The following KHDRBS3 variants were observed in gnomAD, a reference collection of about 807,000 sequenced individuals.
KHDRBS3 encodes KH domain-containing, RNA-binding, signal transduction-associated protein 3.
A neutral mutation model predicts 45.6 loss-of-function variants in KHDRBS3; 23 were observed. The observed-to-expected ratio is 0.50, with a 90% CI of 0.36 to 0.72. The LOEUF (loss-of-function observed/expected upper bound fraction) is 0.72, where lower values mean the gene tolerates loss of function less well. Among genes scored for constraint, KHDRBS3 ranks in the 30% least tolerant of loss-of-function variants. The probability of loss-of-function intolerance (pLI) is 0.00; values close to 1 mark genes in which losing one functional copy is unlikely to be tolerated. For synonymous variants in KHDRBS3, 162 were observed against 156.5 expected (o/e 1.04, Z -0.26); for missense variants, 352 against 424.8 (o/e 0.83, Z 1.51).
intron 7 of KHDRBS3, among the ~76,000 whole-genome samples, chr8:135,621,367 A>C (rs1464871133): frequency 6.6e-6 from 1 of 152,230 alleles, no homozygotes; most frequent in African/African-American, 2.4e-5. Context: ...TGTTTCCCCC[A>C]AAAATAAATT....
intron 1 of KHDRBS3, among the ~76,000 whole-genome samples, chr8:135,493,776 G>T (rs149605692): frequency 4.6e-5 from 7 of 152,142 alleles, no homozygotes; most frequent in East Asian, 3.9e-4. Context: ...TGTGATTTTG[G>T]TATTAGGCTA....
intron 5 of KHDRBS3, among the ~76,000 whole-genome samples, chr8:135,580,639 G>C (rs1329517945): frequency 7.4e-6 from 1 of 135,278 alleles, no homozygotes; most frequent in Non-Finnish European, 1.5e-5. Flanking sequence ...TTCTGAGACA[G>C]AGTCACTCTG....
chr8:135,646,963 T>C (rs1831316094), intron 8 of KHDRBS3, 30 bp from the exon 9 acceptor site: 2 of 1,182,182 alleles, frequency 1.7e-6, no homozygotes. Flanking sequence ...ATGGCAGTGA[T>C]CTAATTGTGA....
At chr8:135,548,701 CA>C in intron 3 of KHDRBS3, 52 bp from the exon 4 acceptor site, 1 of 1,298,294 alleles carries the variant, frequency 7.7e-7, no homozygotes, top group Non-Finnish European at 1.0e-6. Flanking sequence ...ATTTATCTTT[CA>C]TTTCTTATAA....
chr8:135,626,079 T>C (rs1830346484), intron 7 of KHDRBS3: 3 of 526,122 alleles, frequency 5.7e-6, no homozygotes, highest in Non-Finnish European at 1.0e-5. Context: ...GAATAGATTG[T>C]ATGACAACAA....
At chr8:135,546,646 G>A (rs1826319058) in intron 3 of KHDRBS3, among the ~76,000 whole-genome samples, 1 of 152,154 alleles carries the variant, frequency 6.6e-6, no homozygotes, top group Admixed American at 6.5e-5. Context: ...AAGACGTTTT[G>A]TTTGTTAACT....
chr8:135,477,861 A>C (rs1822369651), intron 1 of KHDRBS3, among the ~76,000 whole-genome samples: 1 of 152,206 alleles, frequency 6.6e-6, no homozygotes, highest in Non-Finnish European at 1.5e-5. Flanking sequence ...TGCAGTTTTC[A>C]GAACAGGGAT....
chr8:135,524,540 C>A (rs759734060), intron 2 of KHDRBS3, among the ~76,000 whole-genome samples: 1 of 152,098 alleles, frequency 6.6e-6, no homozygotes, highest in East Asian at 1.9e-4. Context: ...TGACATCTTT[C>A]GTGAAAATTT....
intron 2 of KHDRBS3, among the ~76,000 whole-genome samples, chr8:135,536,008 C>A (rs931216560): frequency 2.6e-5 from 4 of 152,096 alleles, no homozygotes; most frequent in African/African-American, 9.7e-5. Flanking sequence ...TTAATTTTCT[C>A]TGTGAGTGCC....
chr8:135,603,044 T>C (rs1469509294), intron 6 of KHDRBS3, among the ~76,000 whole-genome samples: 1 of 152,254 alleles, frequency 6.6e-6, no homozygotes, highest in Non-Finnish European at 1.5e-5. Context: ...TTCTACTTTC[T>C]GTGCTTTGAA....
chr8:135,646,344 C>G (rs1156322122), intron 8 of KHDRBS3, among the ~76,000 whole-genome samples: 1 of 152,022 alleles, frequency 6.6e-6, no homozygotes, highest in Admixed American at 6.6e-5. Context: ...TTATTAATAC[C>G]TTTGTTCAGT....
At chr8:135,468,846 T>C (rs996780110) in intron 1 of KHDRBS3, among the ~76,000 whole-genome samples, 4 of 152,248 alleles carry the variant, frequency 2.6e-5, no homozygotes, top group Non-Finnish European at 4.4e-5. Flanking sequence ...CAGTCTCTTA[T>C]GACTTGTCAA....
At chr8:135,645,648 C>G (rs978831334) in intron 8 of KHDRBS3, among the ~76,000 whole-genome samples, 2 of 152,192 alleles carry the variant, frequency 1.3e-5, no homozygotes, top group African/African-American at 4.8e-5. Context: ...CAGCTAAACC[C>G]CTCTTAATTC....
intron 7 of KHDRBS3, among the ~76,000 whole-genome samples, chr8:135,613,969 C>T (rs954077204): frequency 2.6e-5 from 4 of 151,452 alleles, no homozygotes; most frequent in Admixed American, 2.6e-4. Flanking sequence ...TTCCAATTTT[C>T]AAATACCTTG....
At chr8:135,513,209 A>G (rs1824396778) in intron 1 of KHDRBS3, among the ~76,000 whole-genome samples, 1 of 152,104 alleles carries the variant, frequency 6.6e-6, no homozygotes, top group South Asian at 2.1e-4. Flanking sequence ...CAAAAAAAAA[A>G]AGAAAAAAGC....
At chr8:135,561,874 TAACAG>T (rs939268280) in intron 5 of KHDRBS3, among the ~76,000 whole-genome samples, 4 of 152,076 alleles carry the variant, frequency 2.6e-5, no homozygotes, top group African/African-American at 9.7e-5. Flanking sequence ...TTTTAAAAGT[TAACAG>T]AAGAGTACTG....
chr8:135,501,840 A>G (rs1031714918), intron 1 of KHDRBS3, among the ~76,000 whole-genome samples: 1 of 152,258 alleles, frequency 6.6e-6, no homozygotes, highest in African/African-American at 2.4e-5. Context: ...ATGCTGTTGT[A>G]TAGTAATTCT....
chr8:135,480,547 T>A (rs1168550248), intron 1 of KHDRBS3, among the ~76,000 whole-genome samples: 1 of 152,170 alleles, frequency 6.6e-6, no homozygotes, highest in Non-Finnish European at 1.5e-5. Context: ...TGTAGAACCC[T>A]GTGTAAGTAC....
In KHDRBS3 at chr8:135,644,973, C is replaced by G. The variant is rs1012893863; in HGVS notation, c.891-86C>G. 9.9e-6 allele frequency: 14 copies of G among 1,409,316 alleles called. No homozygotes were observed. In the South Asian group the frequency reaches 1.6e-4, roughly 17 times the overall value. The allele number at this position is 1,409,316 out of a possible 1,614,324, so 87.3% of individuals were successfully genotyped here. On this transcript the variant is annotated intron_variant, in intron 7 of 8. Transcript: ENST00000355849. ...TTCAGTCTTGCCCTTCATTAGTTGT[C>G]TTTAAGTTTTACAATACGTTATTGA...
Sources: gnomAD v4.1 joint callset for allele counts (sites outside exome capture counted in the v4.1 genomes callset) on GRCh38, gnomAD v4.1.1 for gene constraint, MANE v1.5 for transcripts, NCBI Gene and HGNC (gene_info 2026-07-23, HGNC 2026-07-21) for gene names.